The following VIP variants were observed in gnomAD, a reference collection of about 807,000 sequenced individuals.
VIP encodes vasoactive intestinal peptide, also known as VIP peptides.
In VIP, 18 loss-of-function variants were observed where a neutral mutation model predicts 20.1. The observed-to-expected ratio is 0.90, with a 90% CI of 0.62 to 1.33. VIP has a LOEUF of 1.33. Among genes scored for constraint, VIP ranks in the 40% most tolerant of loss-of-function variants. VIP has a pLI of 0.00. For synonymous variants in VIP, 70 were observed against 68.1 expected (o/e 1.03, Z -0.14); for missense variants, 209 against 199.4 (o/e 1.05, Z -0.29).
At chr6:152,757,009 A>G in intron 5 of VIP, 87 bp from the exon 6 acceptor site, 1 of 1,318,252 alleles carries the variant, frequency 7.6e-7, no homozygotes, top group South Asian at 1.3e-5. Flanking sequence ...AGCACAGAGA[A>G]CAGCACATTC....
intron 2 of VIP, among the ~76,000 whole-genome samples, chr6:152,753,115 T>A (rs1174163341): frequency 3.9e-5 from 6 of 152,178 alleles, no homozygotes; most frequent in Admixed American, 3.3e-4. Flanking sequence ...ACAGAGAGAA[T>A]AACCTCTTAG....
intron 1 of VIP, among the ~76,000 whole-genome samples, chr6:152,751,577 A>G (rs1171726595): frequency 6.6e-6 from 1 of 152,170 alleles, no homozygotes; most frequent in Non-Finnish European, 1.5e-5. Context: ...ATTAATATTC[A>G]CTACTGAGTT....
chr6:152,753,604 C>T (rs953062240), intron 2 of VIP, among the ~76,000 whole-genome samples: 2 of 152,006 alleles, frequency 1.3e-5, no homozygotes, highest in Non-Finnish European at 2.9e-5. Flanking sequence ...TCTATGGAGA[C>T]ATTCTTTGAA....
Position 152,758,996 on chromosome 6 carries a change from A to G in VIP, c.*130A>G, listed in dbSNP as rs992871058. ...AGAAAACAACTTCAATATCCAAACC[A>G]AATAAAAATATTGTGTTGTGAATGT... On this transcript the variant is annotated 3_prime_UTR_variant, in exon 7 of 7. Coordinates refer to ENST00000367244, the MANE Select transcript of VIP (RefSeq NM_003381.4). The G allele has an allele frequency of 4.6e-5, 7 of 152,452 alleles. No homozygotes were observed. The highest frequency in any genetic ancestry group is 1.4e-4 in the African/African-American group (6 of 41,442). The allele number at this position is 152,452 out of a possible 1,614,324, so 9.4% of individuals were successfully genotyped here. A position where few individuals can be genotyped will look rare whatever the true frequency, so the allele number is the denominator to read the frequency against.
intron 6 of VIP, among the ~76,000 whole-genome samples, chr6:152,757,747 A>C (rs1195086844): frequency 6.6e-6 from 1 of 152,018 alleles, no homozygotes; most frequent in Non-Finnish European, 1.5e-5. Context: ...TGTTTTACCT[A>C]TATGACTCTA....
At chr6:152,758,175 C>G (rs1023705132) in intron 6 of VIP, among the ~76,000 whole-genome samples, 5 of 151,942 alleles carry the variant, frequency 3.3e-5, no homozygotes, top group African/African-American at 1.2e-4. Context: ...CAATCCCTAA[C>G]TAGGTTAAGG....
In VIP at chr6:152,754,155, T is replaced by C. The variant is rs772743412; in HGVS notation, c.108-11T>C. 8 of 1,607,210 alleles carry C rather than the reference T, an allele frequency of 5.0e-6. No homozygotes were observed. Among genetic ancestry groups the C allele is most frequent in the Non-Finnish European group, 5.9e-6 (7 of 1,176,956 alleles). On this transcript the variant is annotated splice_polypyrimidine_tract_variant and intron_variant, in intron 2 of 6. Coordinates refer to ENST00000367244, the MANE Select transcript of VIP (RefSeq NM_003381.4). The stretch of plus-strand genomic sequence containing the variant: ...AAGAATGTATTATTCTCGTGTAACT[T>C]TCCCCATCAGGTTGGGTGACAGAAT...
At chr6:152,757,779 T>G (rs1421590872) in intron 6 of VIP, among the ~76,000 whole-genome samples, 2 of 152,002 alleles carry the variant, frequency 1.3e-5, no homozygotes, top group Non-Finnish European at 2.9e-5. Context: ...TGCCAACATT[T>G]TTTTTGAGCA....
At chr6:152,751,718 C>T (rs1215490212) in intron 1 of VIP, among the ~76,000 whole-genome samples, 1 of 152,030 alleles carries the variant, frequency 6.6e-6, no homozygotes, top group Non-Finnish European at 1.5e-5. Context: ...TATACATTTG[C>T]ACACACACGA....
chr6:152,755,294 T>G lies in VIP; in HGVS notation c.256T>G (p.Phe86Val), dbSNP rs2099730259. 3 of 1,587,918 alleles carry G rather than the reference T, an allele frequency of 1.9e-6. No homozygotes were observed. The highest frequency in any genetic ancestry group is 1.4e-5 in the African/African-American group (1 of 74,010). The change falls in exon 4 of 7, where the codon TTC becomes GTC. Residue 86 changes from phenylalanine to valine, a missense_variant. Phe to Val is a conservative substitution (Grantham distance 50). Coordinates refer to ENST00000367244, the MANE Select transcript of VIP (RefSeq NM_003381.4). ...AAATGCCAGGCATGCTGATGGAGTT[T>G]TCACCAGTGACTTCAGTAAACTCTT... ...SRNARHADGV[F>V]TSDFSKLLGQ... is the part of the protein sequence containing the mutation.
intron 5 of VIP, among the ~76,000 whole-genome samples, chr6:152,756,526 C>A (rs1390036115): frequency 6.6e-6 from 1 of 151,874 alleles, no homozygotes. Context: ...CCCCAGTTGA[C>A]TTTACTATGC....
In VIP at chr6:152,757,173, A is replaced by G. The variant is rs1272546266; in HGVS notation, c.*32A>G. ...AGACCTTTGGAGCAAAGCTGATGAC[A>G]ACTTCCCAGTGGTGGGTATATTCGT... On this transcript the variant is annotated 3_prime_UTR_variant, in exon 6 of 7. Transcript: ENST00000367244. 6.2e-7 allele frequency: 1 copy of G among 1,606,818 alleles called. No individual in the cohort carries two copies. The highest frequency in any genetic ancestry group is 1.7e-5 in the Admixed American group (1 of 59,640).
At chr6:152,758,751 C>T (rs1238433627) in intron 6 of VIP, among the ~76,000 whole-genome samples, 159 bp from the exon 7 acceptor site, 1 of 152,002 alleles carries the variant, frequency 6.6e-6, no homozygotes, top group Admixed American at 6.6e-5. Flanking sequence ...CTAGAAGCTG[C>T]TCTCTTGGTA....
chr6:152,757,170 G>A lies in VIP; in HGVS notation c.*29G>A. The A allele has an allele frequency of 6.2e-7, 1 of 1,608,372 alleles. No individual in the cohort carries two copies. The highest frequency in any genetic ancestry group is 8.5e-7 in the Non-Finnish European group (1 of 1,176,312). On this transcript the variant is annotated 3_prime_UTR_variant, in exon 6 of 7. Transcript: ENST00000367244. ...AAAAGACCTTTGGAGCAAAGCTGATGACAACTTCCCAGTGGTGGGTATATT... is the reference window on the plus strand; with the variant it reads ...AAAAGACCTTTGGAGCAAAGCTGATAACAACTTCCCAGTGGTGGGTATATT...
Position 152,752,080 on chromosome 6 carries a change from A to G in VIP, c.-10-88A>G, listed in dbSNP as rs377212038. 257 of 836,266 alleles carry G rather than the reference A, an allele frequency of 3.1e-4. No homozygotes were observed. In the East Asian group the frequency reaches 4.3e-3, roughly 14 times the overall value. The allele number at this position is 836,266 out of a possible 1,614,324, so 51.8% of individuals were successfully genotyped here. ...AATTACTCTTTACAAACTCTGCAAG[A>G]GCCATTGAAAATTACTGCTAGACAA... On this transcript the variant is annotated intron_variant, in intron 1 of 6. Coordinates refer to ENST00000367244, the MANE Select transcript of VIP (RefSeq NM_003381.4).
intron 2 of VIP, among the ~76,000 whole-genome samples, 197 bp downstream of exon 2, chr6:152,752,481 A>G (rs1004476430): frequency 6.6e-5 from 10 of 152,074 alleles, no homozygotes; most frequent in Non-Finnish European, 5.9e-5. Context: ...GGCATGAGAG[A>G]CACTGTCAGT....
chr6:152,757,205 C>A, intron 6 of VIP, 21 bp downstream of exon 6: 1 of 1,472,572 alleles, frequency 6.8e-7, no homozygotes, highest in East Asian at 2.3e-5. Flanking sequence ...TCGTGCATTC[C>A]TTCTGTATTC....
At chr6:152,754,035 A>T (rs1370504371) in intron 2 of VIP, 131 bp from the exon 3 acceptor site, 1 of 1,001,716 alleles carries the variant, frequency 1.0e-6, no homozygotes, top group African/African-American at 1.7e-5. Context: ...AAGTCAAATT[A>T]TGCTATTCTC....
intron 4 of VIP, 129 bp from the exon 5 acceptor site, chr6:152,756,005 A>G: frequency 1.0e-6 from 1 of 987,520 alleles, no homozygotes; most frequent in Non-Finnish European, 1.4e-6. Context: ...TTTTTCTTTT[A>G]GTCTTTTTAT....
Sources: gnomAD v4.1 joint callset for allele counts (sites outside exome capture counted in the v4.1 genomes callset) on GRCh38, gnomAD v4.1.1 for gene constraint, MANE v1.5 for transcripts, NCBI Gene and HGNC (gene_info 2026-07-23, HGNC 2026-07-21) for gene names.